Variants in GBE1 observed in about 807,000 individuals in gnomAD.
The protein encoded by GBE1 is 1,4-alpha-glucan-branching enzyme.
In GBE1, 70 loss-of-function variants were observed where a neutral mutation model predicts 88.8. The ratio of observed to expected loss-of-function variants is 0.79; its 90% CI spans 0.65 to 0.96. The LOEUF (loss-of-function observed/expected upper bound fraction) is 0.96. GBE1 is among the 40% of genes least tolerant of loss of function. GBE1 has a pLI of 0.00. For missense variants in GBE1, 872 were observed against 871.0 expected, an observed-to-expected ratio of 1.00 and a Z score of -0.01; for synonymous variants, 284 against 300.1, an observed-to-expected ratio of 0.95 and a Z score of 0.56.
chr3:81,612,323 TC>T, intron 7 of GBE1: 1 of 835,430 alleles, frequency 1.2e-6, no homozygotes, highest in Non-Finnish European at 1.9e-6. Context: ...TTTCGTCAAA[TC>T]CATTCCAGAT....
At chr3:81,581,524 T>C (rs1222320116) in intron 10 of GBE1, among the ~76,000 whole-genome samples, 1 of 151,926 alleles carries the variant, frequency 6.6e-6, no homozygotes, top group African/African-American at 2.4e-5. Flanking sequence ...GTGCAGACAG[T>C]TTAATCATTA....
At chr3:81,537,160 CAAT>C (rs1703089215) in intron 12 of GBE1, 65 bp from the exon 13 acceptor site, 5 of 968,652 alleles carry the variant, frequency 5.2e-6, no homozygotes, top group Non-Finnish European at 5.7e-6. Flanking sequence ...AATAATAAAT[CAAT>C]AATTATATGT....
chr3:81,682,738 C>G (rs575770293), intron 2 of GBE1, among the ~76,000 whole-genome samples: 10 of 152,206 alleles, frequency 6.6e-5, no homozygotes, highest in African/African-American at 2.2e-4. Flanking sequence ...CACAGCAATT[C>G]CACTCCAACC....
intron 7 of GBE1, among the ~76,000 whole-genome samples, chr3:81,611,143 A>G (rs1576169176): frequency 6.6e-6 from 1 of 152,190 alleles, no homozygotes; most frequent in East Asian, 1.9e-4. Flanking sequence ...AAGACAGAAC[A>G]GCACCAAATC....
At chr3:81,505,541 T>C (rs1466893684) in intron 14 of GBE1, among the ~76,000 whole-genome samples, 1 of 152,208 alleles carries the variant, frequency 6.6e-6, no homozygotes, top group Non-Finnish European at 1.5e-5. Context: ...GCATCTCAAA[T>C]AGATCTGTCC....
chr3:81,668,307 G>A (rs1331642466), intron 3 of GBE1, among the ~76,000 whole-genome samples: 2 of 152,038 alleles, frequency 1.3e-5, no homozygotes, highest in Non-Finnish European at 2.9e-5. Flanking sequence ...AAACCTGCAC[G>A]TTCTGCATGT....
At position 81,670,880 on chromosome 3, in the gene GBE1, C is replaced by T. The variant is rs757945104; in HGVS notation, c.387G>A (p.Lys129=). 6.3e-7 allele frequency: 1 copy of T among 1,583,136 alleles called. No homozygotes were observed. Among genetic ancestry groups the T allele is most frequent in the Non-Finnish European group, 8.6e-7 (1 of 1,168,170 alleles). Reference sequence around the variant, plus strand: ...GAGGCACGAGTACAGATTTATTCTGCTTTGGTGGGATATACAGCTCCCATT... The same window carrying T: ...GAGGCACGAGTACAGATTTATTCTGTTTTGGTGGGATATACAGCTCCCATT... The part of the protein sequence containing the change: ...YGKWELYIPP[K]QNKSVLVPHG... The change falls in exon 3 of 16, where the codon AAG becomes AAA. Residue 129 remains lysine, a synonymous_variant. Coordinates refer to ENST00000429644, the MANE Select transcript of GBE1 (RefSeq NM_000158.4).
intron 2 of GBE1, among the ~76,000 whole-genome samples, chr3:81,697,592 G>T (rs1309416972): frequency 6.6e-6 from 1 of 152,120 alleles, no homozygotes; most frequent in Admixed American, 6.5e-5. Flanking sequence ...GAGCCACTGC[G>T]CCTGGCCCAG....
chr3:81,654,784 A>C (rs1355916870), intron 3 of GBE1: 1 of 152,168 alleles, frequency 6.6e-6, no homozygotes, highest in Non-Finnish European at 1.5e-5. Context: ...CTTCTTTTTT[A>C]TTTCACTTTT....
chr3:81,528,999 T>C (rs1702982444), intron 14 of GBE1, among the ~76,000 whole-genome samples: 1 of 152,088 alleles, frequency 6.6e-6, no homozygotes, highest in African/African-American at 2.4e-5. Flanking sequence ...GACTTATTGC[T>C]GCCATTTTGT....
At chr3:81,667,151 G>C (rs1391882447) in intron 3 of GBE1, among the ~76,000 whole-genome samples, 1 of 152,082 alleles carries the variant, frequency 6.6e-6, no homozygotes, top group African/African-American at 2.4e-5. Flanking sequence ...TCGTTGAAGA[G>C]GTCCTTCACA....
In GBE1 at chr3:81,704,155, C is replaced by G. The variant is rs375371644; in HGVS notation, c.313+1289G>C. Among the ~76,000 whole-genome samples, 4 of 151,930 alleles carry G rather than the reference C, an allele frequency of 2.6e-5. No homozygotes were observed. The East Asian group carries it at 7.7e-4, about 29-fold the overall frequency. ...TATTAAAATGATAATATTTTATATA[C>G]TAGGTAAATATAATTTATTATTAAA... On this transcript the variant is annotated intron_variant, in intron 2 of 15. Transcript: ENST00000429644.
At chr3:81,653,790 T>C (rs1559677097) in intron 3 of GBE1, among the ~76,000 whole-genome samples, 1 of 152,198 alleles carries the variant, frequency 6.6e-6, no homozygotes, top group Non-Finnish European at 1.5e-5. Context: ...TTAAAAGATA[T>C]AAAAATATCA....
intron 9 of GBE1, among the ~76,000 whole-genome samples, chr3:81,589,045 G>T (rs1046076003): frequency 2.6e-5 from 4 of 151,798 alleles, no homozygotes; most frequent in Admixed American, 1.3e-4. Context: ...AGAAAAAAAA[G>T]GTAAATCATA....
At chr3:81,737,744 A>AT (rs1203474675) in intron 1 of GBE1, among the ~76,000 whole-genome samples, 1 of 143,708 alleles carries the variant, frequency 7.0e-6, no homozygotes, top group Non-Finnish European at 1.5e-5. Context: ...TGTGTTTTTT[A>AT]TTTTTTTATT....
chr3:81,730,182 G>A (rs1339895754), intron 1 of GBE1, among the ~76,000 whole-genome samples: 1 of 152,062 alleles, frequency 6.6e-6, no homozygotes, highest in Non-Finnish European at 1.5e-5. Flanking sequence ...ATTACTATGT[G>A]CTCCATCACC....
chr3:81,670,369 G>A (rs1311492836), intron 3 of GBE1, among the ~76,000 whole-genome samples: 2 of 152,154 alleles, frequency 1.3e-5, no homozygotes, highest in Admixed American at 6.6e-5. Context: ...CCACCAGCAT[G>A]TCAGAGGCCA....
At chr3:81,683,825 T>C (rs1035893507) in intron 2 of GBE1, among the ~76,000 whole-genome samples, 1 of 152,194 alleles carries the variant, frequency 6.6e-6, no homozygotes, top group African/African-American at 2.4e-5. Flanking sequence ...ATTTTCCATA[T>C]ACATTTCATA....
intron 12 of GBE1, among the ~76,000 whole-genome samples, chr3:81,538,081 C>T (rs141066956): frequency 6.1e-4 from 93 of 151,930 alleles, no homozygotes; most frequent in Middle Eastern, 6.8e-3. Context: ...CTTTCATGTG[C>T]TACAATTAAT....
Sources: allele counts gnomAD v4.1 joint callset (sites outside exome capture counted in the v4.1 genomes callset), GRCh38; gene constraint gnomAD v4.1.1; transcripts MANE v1.5; gene names NCBI Gene and HGNC (gene_info 2026-07-23, HGNC 2026-07-21).